The following SPON1 variants were observed in gnomAD, a reference collection of about 807,000 sequenced individuals.
SPON1 encodes spondin 1, also known as spondin-1.
SPON1 carries 52 observed loss-of-function variants against 111.7 expected under a neutral mutation model. That is an observed-to-expected ratio of 0.47 (90% confidence interval 0.37 to 0.59). The LOEUF is 0.59. Among genes scored for constraint, SPON1 ranks in the 20% least tolerant of loss-of-function variants. The probability of loss-of-function intolerance (pLI) is 0.00; values close to 1 mark genes in which losing one functional copy is unlikely to be tolerated. For missense variants in SPON1, 957 were observed against 1,068.5 expected (o/e 0.90, Z 1.46); for synonymous variants, 410 against 395.8 (o/e 1.04, Z -0.43).
intron 5 of SPON1, among the ~76,000 whole-genome samples, chr11:14,117,927 A>G (rs781842936): frequency 2.0e-5 from 3 of 152,182 alleles, no homozygotes; most frequent in Non-Finnish European, 4.4e-5. Context: ...AAGTTAGACA[A>G]TGCATAATAA....
chr11:14,075,498 A>T (rs2133829967), intron 4 of SPON1, 80 bp downstream of exon 4: 1 of 1,068,144 alleles, frequency 9.4e-7, no homozygotes, highest in African/African-American at 1.6e-5. Flanking sequence ...TGCTGCAAGA[A>T]TTAAGGCCCC....
At chr11:14,232,314 G>T (rs1300226811) in intron 6 of SPON1, among the ~76,000 whole-genome samples, 1 of 152,096 alleles carries the variant, frequency 6.6e-6, no homozygotes, top group Non-Finnish European at 1.5e-5. Flanking sequence ...GCTCCTTGAG[G>T]ACAAGGATGG....
chr11:14,193,468 G>T (rs1300847615), intron 6 of SPON1, among the ~76,000 whole-genome samples: 8 of 152,146 alleles, frequency 5.3e-5, no homozygotes, highest in Non-Finnish European at 1.2e-4. Flanking sequence ...ATATCATCTT[G>T]CTCCAAGGTT....
At chr11:13,990,169 G>A (rs1043654506) in intron 2 of SPON1, among the ~76,000 whole-genome samples, 1 of 151,984 alleles carries the variant, frequency 6.6e-6, no homozygotes, top group Admixed American at 6.6e-5. Context: ...CGCTATTACT[G>A]TGTGGGAGTC....
intron 5 of SPON1, among the ~76,000 whole-genome samples, chr11:14,126,536 C>T (rs1847461135): frequency 6.6e-6 from 1 of 152,266 alleles, no homozygotes; most frequent in South Asian, 2.1e-4. Flanking sequence ...ATTTCTTCCT[C>T]CCAGCTTCCC....
intron 5 of SPON1, among the ~76,000 whole-genome samples, chr11:14,087,061 GTCTA>G (rs1165879005): frequency 1.3e-5 from 2 of 151,970 alleles, no homozygotes; most frequent in East Asian, 1.9e-4. Context: ...CTGGCTAGCA[GTCTA>G]TCTATTTTGT....
chr11:14,130,049 C>A (rs1554927398), intron 5 of SPON1, among the ~76,000 whole-genome samples: 1 of 152,150 alleles, frequency 6.6e-6, no homozygotes, highest in Non-Finnish European at 1.5e-5. Context: ...GGTCAATAGT[C>A]AATAGTCAAA....
chr11:14,111,767 A>C (rs1849228405), intron 5 of SPON1, among the ~76,000 whole-genome samples: 1 of 152,196 alleles, frequency 6.6e-6, no homozygotes, highest in South Asian at 2.1e-4. Context: ...TAAAGCAGTA[A>C]AATGCTTCTT....
chr11:14,020,744 A>G (rs1848475692), intron 2 of SPON1, among the ~76,000 whole-genome samples: 1 of 152,224 alleles, frequency 6.6e-6, no homozygotes, highest in Non-Finnish European at 1.5e-5. Flanking sequence ...AATACCAGGA[A>G]CAGTAGAAAA....
intron 6 of SPON1, among the ~76,000 whole-genome samples, chr11:14,157,160 C>T (rs1847857713): frequency 6.6e-6 from 1 of 152,028 alleles, no homozygotes. Flanking sequence ...TTCTGTTGTT[C>T]TTCCTTTTTT....
chr11:14,047,189 A>T (rs935554419), intron 3 of SPON1, among the ~76,000 whole-genome samples: 3 of 152,120 alleles, frequency 2.0e-5, no homozygotes, highest in Non-Finnish European at 4.4e-5. Context: ...TTACTTTATT[A>T]TCTAGCACCT....
chr11:14,197,433 A>G (rs1848414017), intron 6 of SPON1, among the ~76,000 whole-genome samples: 2 of 151,994 alleles, frequency 1.3e-5, no homozygotes, highest in African/African-American at 4.8e-5. Context: ...GGGCAAATCT[A>G]GAATCCATGA....
chr11:14,135,392 A>G lies in SPON1; in HGVS notation c.677-28A>G, dbSNP rs1210031823. The G allele has an allele frequency of 2.5e-6, 4 of 1,597,528 alleles. No individual in the cohort carries two copies. Among genetic ancestry groups the G allele is most frequent in the Non-Finnish European group, 3.4e-6 (4 of 1,167,890 alleles). Reference sequence around the variant, plus strand: ...TCGTGTTTCAGCCACAGCCATGCTGATAACTGCCTCCTGATTGGCTTTCCC... The same window carrying G: ...TCGTGTTTCAGCCACAGCCATGCTGGTAACTGCCTCCTGATTGGCTTTCCC... On this transcript the variant is annotated intron_variant, in intron 5 of 15. Transcript: ENST00000576479. The surrounding 1 kb of genome is among the most constrained non-coding windows in gnomAD (Gnocchi z 4.4).
intron 2 of SPON1, among the ~76,000 whole-genome samples, chr11:13,989,525 T>G (rs993243978): frequency 2.0e-5 from 3 of 152,132 alleles, no homozygotes. Context: ...TTTTGAAGGG[T>G]TTTTCATGTC....
intron 6 of SPON1, among the ~76,000 whole-genome samples, chr11:14,161,558 A>G (rs888065313): frequency 2.0e-5 from 3 of 151,540 alleles, no homozygotes; most frequent in Non-Finnish European, 4.4e-5. Flanking sequence ...ACCTCAGGTG[A>G]TCCACCCACC....
chr11:14,180,550 C>T (rs1554933602), intron 6 of SPON1, among the ~76,000 whole-genome samples: 1 of 152,210 alleles, frequency 6.6e-6, no homozygotes, highest in African/African-American at 2.4e-5. Flanking sequence ...ATAAGTCACC[C>T]CTGAGAGTCT....
intron 2 of SPON1, among the ~76,000 whole-genome samples, chr11:14,023,258 C>T (rs560484830): frequency 2.6e-5 from 4 of 152,254 alleles, no homozygotes; most frequent in Non-Finnish European, 4.4e-5. Context: ...TTTAAATGTG[C>T]GCTCTGGCTT....
At chr11:14,243,255 G>T (rs949771133) in intron 6 of SPON1, 77 bp from the exon 7 acceptor site, 6 of 1,351,468 alleles carry the variant, frequency 4.4e-6, no homozygotes, top group Non-Finnish European at 5.2e-6. Context: ...GGGGGTGAAT[G>T]GTGTCACCAG....
At chr11:14,174,035 G>T (rs1205232382) in intron 6 of SPON1, among the ~76,000 whole-genome samples, 2 of 152,122 alleles carry the variant, frequency 1.3e-5, no homozygotes, top group Admixed American at 1.3e-4. Context: ...GCCCTTGGAG[G>T]AACAGGGCCA....
Sources: allele counts gnomAD v4.1 joint callset (sites outside exome capture counted in the v4.1 genomes callset), GRCh38; gene constraint gnomAD v4.1.1; non-coding constraint Gnocchi (gnomAD v3.1); transcripts MANE v1.5; gene names NCBI Gene and HGNC (gene_info 2026-07-23, HGNC 2026-07-21).